Variants in ARHGEF17 observed in about 807,000 individuals in gnomAD.
ARHGEF17 encodes 164 kDa Rho-specific guanine-nucleotide exchange factor.
In ARHGEF17, 80 loss-of-function variants were observed where a neutral mutation model predicts 174.0. The ratio of observed to expected loss-of-function variants is 0.46; its 90% confidence interval spans 0.38 to 0.55. The LOEUF (loss-of-function observed/expected upper bound fraction) is 0.55, where lower values mean the gene tolerates loss of function less well. Ranked by LOEUF, ARHGEF17 falls within the 20% of genes least tolerant of loss-of-function variation. ARHGEF17 has a pLI of 0.00. For synonymous variants in ARHGEF17, 1,311 were observed against 1,189.1 expected, an observed-to-expected ratio of 1.10 and a Z score of -2.11; for missense variants, 2,886 against 2,839.7, an observed-to-expected ratio of 1.02 and a Z score of -0.37.
intron 2 of ARHGEF17, among the ~76,000 whole-genome samples, chr11:73,350,224 T>G (rs1429097338): frequency 6.6e-6 from 1 of 152,246 alleles, no homozygotes; most frequent in African/African-American, 2.4e-5. Flanking sequence ...TTAAGAAACT[T>G]GCCCAGGGTC....
intron 1 of ARHGEF17, 47 bp from the exon 2 acceptor site, chr11:73,346,836 C>T (rs1309779888): frequency 2.1e-6 from 3 of 1,396,820 alleles, no homozygotes; most frequent in Non-Finnish European, 2.8e-6. Flanking sequence ...GTGATGGGGT[C>T]TGGGGGGAAA....
At chr11:73,367,233 A>G (rs1386812072) in intron 20 of ARHGEF17, among the ~76,000 whole-genome samples, 1 of 152,186 alleles carries the variant, frequency 6.6e-6, no homozygotes, top group Non-Finnish European at 1.5e-5. Flanking sequence ...GGGCTGTTGG[A>G]AGTAGGAGGC....
intron 2 of ARHGEF17, among the ~76,000 whole-genome samples, chr11:73,350,893 T>A (rs1865542440): frequency 6.6e-6 from 1 of 152,240 alleles, no homozygotes; most frequent in Admixed American, 6.5e-5. Flanking sequence ...CACTCATGTG[T>A]CAGCCCCACA....
At chr11:73,313,518 G>A (rs1269623086) in intron 1 of ARHGEF17, among the ~76,000 whole-genome samples, 1 of 152,178 alleles carries the variant, frequency 6.6e-6, no homozygotes, top group Admixed American at 6.5e-5. Flanking sequence ...GGAGTTTACA[G>A]AACTTCTCCT....
intron 1 of ARHGEF17, among the ~76,000 whole-genome samples, chr11:73,345,160 CCTT>C (rs1431420919): frequency 6.6e-6 from 1 of 152,182 alleles, no homozygotes; most frequent in African/African-American, 2.4e-5. Context: ...CGCACTGCCT[CCTT>C]CTGGAAGCTG....
In ARHGEF17 at chr11:73,329,352, TATATATATATATATATA is replaced by T. The variant is rs1423382707; in HGVS notation, c.3192+17523_3193-17514del. ...ATATATATATATATATATATATATA[TATATATATATATATATA>T]TATATTTTTTTTTTTTTTTTGTATT... On this transcript the variant is annotated intron_variant, in intron 1 of 20. Transcript: ENST00000263674. Among the ~76,000 whole-genome samples the T allele has an allele frequency of 7.8e-4, 35 of 44,634 alleles. 5 individuals are homozygous for T. Among genetic ancestry groups the T allele is most frequent in the South Asian group, 3.9e-3 (5 of 1,298 alleles). The allele number at this position is 44,634 out of a possible 152,430, so 29.3% of individuals were successfully genotyped here. A position where few individuals can be genotyped will look rare whatever the true frequency, so the allele number is the denominator to read the frequency against.
Position 73,310,160 on chromosome 11 carries a change from C to T in ARHGEF17, c.1522C>T (p.Pro508Ser), listed in dbSNP as rs778900569. The T allele has an allele frequency of 6.2e-7, 1 of 1,613,998 alleles. No homozygotes were observed. The highest frequency in any genetic ancestry group is 8.5e-7 in the Non-Finnish European group (1 of 1,179,994). ...GSNPLDGRDS[P>S]SAGGPVGQLE... is the part of the protein sequence containing the mutation. ...CAACCCCCTAGATGGCAGAGACTCACCATCCGCAGGTGGCCCTGTGGGGCA... is the reference window on the plus strand; with the variant it reads ...CAACCCCCTAGATGGCAGAGACTCATCATCCGCAGGTGGCCCTGTGGGGCA... Residue 508 changes from proline to serine, a missense_variant, in exon 1 of 21, where the codon CCA (proline) becomes TCA (serine). Coordinates refer to ENST00000263674, the MANE Select transcript of ARHGEF17 (RefSeq NM_014786.4).
intron 7 of ARHGEF17, 76 bp downstream of exon 7, chr11:73,356,835 C>G (rs535729701): frequency 6.3e-7 from 1 of 1,596,394 alleles, no homozygotes; most frequent in African/African-American, 1.3e-5. Context: ...CACCCTCTAC[C>G]TGCAGGTCTC....
chr11:73,365,588 C>A lies in ARHGEF17; in HGVS notation c.5725+24C>A. 6.2e-7 allele frequency: 1 copy of A among 1,612,840 alleles called. No homozygotes were observed. On this transcript the variant is annotated intron_variant, in intron 19 of 20. Transcript: ENST00000263674. The surrounding 1 kb of genome is among the most constrained non-coding windows in gnomAD (Gnocchi z 4.9). ...AGGTACTGACCTCAAACTACCACAG[C>A]ACCCTCCTTGGAGCCTTTCTGCCCG...
intron 3 of ARHGEF17, chr11:73,353,245 G>A: frequency 1.7e-6 from 1 of 586,180 alleles, no homozygotes; most frequent in East Asian, 2.9e-5. Flanking sequence ...TCCGACCCCA[G>A]CCAGACACTG....
At position 73,324,024 on chromosome 11, in the gene ARHGEF17, G is replaced by A. The variant is rs116920021; in HGVS notation, c.3192+12194G>A. ...TGTCTCTCATCTCCTCTGACCATCT[G>A]TGTCACCCTGCCTCCCTTTAGAGAG... On this transcript the variant is annotated intron_variant, in intron 1 of 20. Transcript: ENST00000263674. Among the ~76,000 whole-genome samples, 920 of 152,282 alleles carry A rather than the reference G, an allele frequency of 6.0e-3. 9 individuals carry two copies. The highest frequency in any genetic ancestry group is 0.027 in the Middle Eastern group (8 of 294).
At chr11:73,361,046 T>A (rs749299978) in intron 11 of ARHGEF17, 42 bp from the exon 12 acceptor site, 3 of 1,538,860 alleles carry the variant, frequency 1.9e-6, no homozygotes, top group East Asian at 2.2e-5. Context: ...AGATGGATGC[T>A]ATGCTAAGCA....
At chr11:73,364,034 A>G (rs570396869) in intron 16 of ARHGEF17, 138 bp from the exon 17 acceptor site, 6 of 1,081,532 alleles carry the variant, frequency 5.5e-6, no homozygotes, top group Middle Eastern at 2.0e-4. Context: ...GCCTCAGGCA[A>G]CCCCCACCTG....
intron 12 of ARHGEF17, 114 bp from the exon 13 acceptor site, chr11:73,361,926 A>C: frequency 8.0e-7 from 1 of 1,242,964 alleles, no homozygotes; most frequent in Non-Finnish European, 1.1e-6. Flanking sequence ...GCATCCACAC[A>C]CACACACCCA....
chr11:73,327,262 G>A (rs55664562), intron 1 of ARHGEF17, among the ~76,000 whole-genome samples: 20,776 of 152,132 alleles, frequency 0.14, 1,790 homozygotes, highest in African/African-American at 0.25. Flanking sequence ...AACCAGCTAC[G>A]CTCCCAGAAT....
chr11:73,314,717 C>T (rs1021123656), intron 1 of ARHGEF17, among the ~76,000 whole-genome samples: 7 of 152,112 alleles, frequency 4.6e-5, no homozygotes, highest in African/African-American at 1.7e-4. Flanking sequence ...GGTGAGGAGG[C>T]AGAGCTGTCA....
chr11:73,362,023 A>C lies in ARHGEF17; in HGVS notation c.4495-17A>C. The C allele has an allele frequency of 6.2e-7, 1 of 1,607,422 alleles. No homozygotes were observed. Among genetic ancestry groups the C allele is most frequent in the African/African-American group, 1.3e-5 (1 of 74,838 alleles). ...TTCCTCCATTCACCTTCTCCTGTCC[A>C]TTGGCGCCTCCTGCAGTTCTCCTGT... On this transcript the variant is annotated splice_polypyrimidine_tract_variant and intron_variant, in intron 12 of 20. Coordinates refer to ENST00000263674, the MANE Select transcript of ARHGEF17 (RefSeq NM_014786.4).
At chr11:73,364,803 C>A in intron 18 of ARHGEF17, 2 of 621,224 alleles carry the variant, frequency 3.2e-6, no homozygotes, top group Non-Finnish European at 5.2e-6. Context: ...AGTAAGTGTC[C>A]CATATACATT....
Position 73,346,870 on chromosome 11 carries a change from C to G in ARHGEF17, c.3193-13C>G. The G allele has an allele frequency of 6.8e-7, 1 of 1,470,580 alleles. No individual in the cohort carries two copies. Among genetic ancestry groups the G allele is most frequent in the South Asian group, 1.4e-5 (1 of 69,970 alleles). The allele number at this position is 1,470,580 out of a possible 1,614,324, so 91.1% of individuals were successfully genotyped here. A position where few individuals can be genotyped will look rare whatever the true frequency, so the allele number is the denominator to read the frequency against. On this transcript the variant is annotated splice_polypyrimidine_tract_variant and intron_variant, in intron 1 of 20. Transcript: ENST00000263674. ...AAAAGACCCCTGTTCACCCTCTGCTCCTGTCCCCACAGGACATGCGGAAGC... is the reference window on the plus strand; with the variant it reads ...AAAAGACCCCTGTTCACCCTCTGCTGCTGTCCCCACAGGACATGCGGAAGC...
Sources: allele counts gnomAD v4.1 joint callset (sites outside exome capture counted in the v4.1 genomes callset), GRCh38; gene constraint gnomAD v4.1.1; non-coding constraint Gnocchi (gnomAD v3.1); transcripts MANE v1.5; gene names NCBI Gene and HGNC (gene_info 2026-07-23, HGNC 2026-07-21).